RCOR1: variants seen among roughly 807,000 people sequenced by gnomAD.
RCOR1 encodes REST corepressor 1.
In RCOR1, 12 loss-of-function variants were observed where a neutral mutation model predicts 64.0. That is an observed-to-expected ratio of 0.19 (90% CI 0.12 to 0.30). RCOR1 has a LOEUF of 0.30. Among genes scored for constraint, RCOR1 ranks in the 10% least tolerant of loss-of-function variants. The probability of loss-of-function intolerance (pLI) is 1.00; values close to 1 mark genes in which losing one functional copy is unlikely to be tolerated. For synonymous variants in RCOR1, 279 were observed against 227.2 expected, an observed-to-expected ratio of 1.23 and a Z score of -2.05; for missense variants, 502 against 621.2, an observed-to-expected ratio of 0.81 and a Z score of 2.04.
chr14:102,634,340 A>C (rs1894187579), intron 2 of RCOR1, among the ~76,000 whole-genome samples: 1 of 151,886 alleles, frequency 6.6e-6, no homozygotes, highest in African/African-American at 2.4e-5. Flanking sequence ...ATGCCACTGC[A>C]CTCCATCCTG....
chr14:102,642,589 C>CT (rs1420909339), intron 2 of RCOR1, among the ~76,000 whole-genome samples: 3 of 152,146 alleles, frequency 2.0e-5, no homozygotes, highest in Non-Finnish European at 4.4e-5. Flanking sequence ...AATTTCAGCA[C>CT]TTTGGGAGGC....
intron 2 of RCOR1, among the ~76,000 whole-genome samples, chr14:102,615,447 CT>C (rs560136180): frequency 1.8e-3 from 237 of 131,884 alleles, no homozygotes; most frequent in Middle Eastern, 3.8e-3. Flanking sequence ...CTGCATAATT[CT>C]TTTTTTTTTT....
chr14:102,656,137 A>T lies in RCOR1; in HGVS notation c.362-25758A>T, dbSNP rs114760659. 4,162 of 971,916 alleles carry T rather than the reference A, an allele frequency of 4.3e-3. 105 individuals are homozygous for T. The African/African-American group carries it at 0.068, about 16-fold the overall frequency. 60.2% of individuals were successfully genotyped at this position (971,916 alleles called of 1,614,324 possible). On this transcript the variant is annotated intron_variant, in intron 2 of 11. Transcript: ENST00000262241. ...GAAATCACTTTGCTGAGATTTTTTT[A>T]TTTTTTTTATTTTTTTTTTGGAGAC... is the stretch of plus-strand genomic sequence containing the variant.
At chr14:102,598,116 A>G (rs974621976) in intron 2 of RCOR1, among the ~76,000 whole-genome samples, 2 of 151,610 alleles carry the variant, frequency 1.3e-5, no homozygotes, top group Non-Finnish European at 2.9e-5. Flanking sequence ...GCCACTGCGC[A>G]GCCCTAATTT....
chr14:102,710,131 A>G (rs1895929889), intron 6 of RCOR1, among the ~76,000 whole-genome samples: 1 of 152,218 alleles, frequency 6.6e-6, no homozygotes, highest in Non-Finnish European at 1.5e-5. Context: ...CTCTTTCCTC[A>G]GCTAGAGCTT....
At chr14:102,686,192 C>T (rs929698072) in intron 3 of RCOR1, among the ~76,000 whole-genome samples, 3 of 152,154 alleles carry the variant, frequency 2.0e-5, no homozygotes, top group Admixed American at 6.6e-5. Context: ...CCTTGAACTC[C>T]TGGGCTCAAG....
At chr14:102,718,445 T>G (rs938143345) in intron 8 of RCOR1, among the ~76,000 whole-genome samples, 5 of 152,192 alleles carry the variant, frequency 3.3e-5, no homozygotes, top group Admixed American at 6.5e-5. Flanking sequence ...GCTGGGCATG[T>G]CTCTTAAATT....
chr14:102,625,231 C>CTT (rs61403856), intron 2 of RCOR1, among the ~76,000 whole-genome samples: 3,825 of 79,032 alleles, frequency 0.048, 201 homozygotes, highest in Non-Finnish European at 0.059. Context: ...TATCTTGTTA[C>CTT]TTTTTTTTTT....
intron 2 of RCOR1, among the ~76,000 whole-genome samples, chr14:102,670,092 AGG>A (rs1895001122): frequency 6.6e-6 from 1 of 152,124 alleles, no homozygotes. Context: ...CTGGGATTAC[AGG>A]TGTGTGCCAC....
intron 3 of RCOR1, among the ~76,000 whole-genome samples, chr14:102,683,661 G>C (rs1409831101): frequency 6.6e-6 from 1 of 152,216 alleles, no homozygotes; most frequent in Non-Finnish European, 1.5e-5. Context: ...CTGGGGGCGC[G>C]CTGATGTTCC....
rs1041663661 is a variant in RCOR1, at chr14:102,663,039, C to T, written c.362-18856C>T. Among the ~76,000 whole-genome samples, 3 of 152,064 alleles carry T rather than the reference C, an allele frequency of 2.0e-5. No individual in the cohort carries two copies. In the South Asian group the frequency reaches 6.2e-4, roughly 32 times the overall value. On this transcript the variant is annotated intron_variant, in intron 2 of 11. Transcript: ENST00000262241. ...AACTCCCACATATTGTAGGAGGGAC[C>T]TGGTGGTAGATAATTGAATCATGAG...
chr14:102,665,512 G>T (rs974694857), intron 2 of RCOR1, among the ~76,000 whole-genome samples: 1 of 152,088 alleles, frequency 6.6e-6, no homozygotes, highest in African/African-American at 2.4e-5. Flanking sequence ...GTAAGCTGAG[G>T]AGCATCTGTA....
At chr14:102,719,326 T>C (rs1188420170) in intron 8 of RCOR1, among the ~76,000 whole-genome samples, 1 of 152,214 alleles carries the variant, frequency 6.6e-6, no homozygotes, top group African/African-American at 2.4e-5. Flanking sequence ...TATGTATGCA[T>C]GTGCCATGTT....
intron 2 of RCOR1, among the ~76,000 whole-genome samples, chr14:102,671,146 CT>C (rs1371641874): frequency 6.6e-6 from 1 of 152,192 alleles, no homozygotes; most frequent in Non-Finnish European, 1.5e-5. Context: ...TTCGCTTCCC[CT>C]TCTGTGTTTA....
At chr14:102,679,736 C>T (rs1895264504) in intron 2 of RCOR1, among the ~76,000 whole-genome samples, 1 of 152,168 alleles carries the variant, frequency 6.6e-6, no homozygotes, top group Non-Finnish European at 1.5e-5. Flanking sequence ...CCTCGGCCTC[C>T]CAAAGTGCTG....
Position 102,653,958 on chromosome 14 carries a change from TC to T in RCOR1, c.362-27936del, listed in dbSNP as rs1567423330. ...TTCTTTCTTTCTTTCTTTCTTTCTT[TC>T]TTTCTTTCTTTCTTTCTTTCTTTCT... On this transcript the variant is annotated intron_variant, in intron 2 of 11. Transcript: ENST00000262241. 6.2e-3 allele frequency among the ~76,000 whole-genome samples: 342 copies of T among 55,294 alleles called. 19 individuals are homozygous for T. Among genetic ancestry groups the T allele is most frequent in the African/African-American group, 0.04 (304 of 7,682 alleles). 36.3% of individuals were successfully genotyped at this position (55,294 alleles called of 152,430 possible).
intron 2 of RCOR1, among the ~76,000 whole-genome samples, chr14:102,619,288 CTTTTTA>C (rs1189645348): frequency 6.6e-6 from 1 of 151,932 alleles, no homozygotes; most frequent in African/African-American, 2.4e-5. Flanking sequence ...GCCCAGCTAA[CTTTTTA>C]TTTTTAGTAG....
intron 2 of RCOR1, among the ~76,000 whole-genome samples, chr14:102,595,705 G>A (rs1471646994): frequency 6.6e-6 from 1 of 151,608 alleles, no homozygotes; most frequent in Non-Finnish European, 1.5e-5. Flanking sequence ...TCAGCCTCCA[G>A]AGTAGCAGGG....
intron 2 of RCOR1, chr14:102,662,441 C>CTCTTCT: frequency 1.8e-6 from 1 of 549,922 alleles, no homozygotes; most frequent in Non-Finnish European, 3.6e-6. Flanking sequence ...GTTGTCCTCG[C>CTCTTCT]TCTTCTTCAT....
Sources: gnomAD v4.1 joint callset for allele counts (sites outside exome capture counted in the v4.1 genomes callset) on GRCh38, gnomAD v4.1.1 for gene constraint, MANE v1.5 for transcripts, NCBI Gene and HGNC (gene_info 2026-07-23, HGNC 2026-07-21) for gene names.